The following CMKLR2 variants were observed in gnomAD, a reference collection of about 807,000 sequenced individuals.
CMKLR2 encodes the protein chemerin chemokine-like receptor 2.
Under a neutral mutation model 23.0 loss-of-function variants are expected in CMKLR2, and 18 were observed. That is an observed-to-expected ratio of 0.78 (90% CI 0.54 to 1.16). The LOEUF is 1.16. CMKLR2 is among the 50% of genes most tolerant of loss of function. The pLI is 0.00. For missense variants in CMKLR2, 401 were observed against 412.7 expected (o/e 0.97, Z 0.25); for synonymous variants, 158 against 158.9 (o/e 0.99, Z 0.05).
At chr2:206,199,390 A>G (rs1689019368) in intron 1 of CMKLR2, among the ~76,000 whole-genome samples, 1 of 152,072 alleles carries the variant, frequency 6.6e-6, no homozygotes, top group Admixed American at 6.6e-5. Flanking sequence ...ACAGAGTGAG[A>G]CTGTCTCATT....
At chr2:206,191,166 T>G (rs936682175) in intron 1 of CMKLR2, among the ~76,000 whole-genome samples, 3 of 152,230 alleles carry the variant, frequency 2.0e-5, no homozygotes, top group African/African-American at 7.2e-5. Context: ...TGTGGGATCA[T>G]GGACAAATTA....
intron 1 of CMKLR2, among the ~76,000 whole-genome samples, chr2:206,209,966 CTT>C (rs1174073666): frequency 5.3e-5 from 7 of 133,274 alleles, no homozygotes; most frequent in Admixed American, 7.7e-5. Flanking sequence ...TCTTTTCTTT[CTT>C]TTTTTTTTTT....
intron 1 of CMKLR2, among the ~76,000 whole-genome samples, chr2:206,212,044 G>A (rs1689587777): frequency 6.6e-6 from 1 of 152,022 alleles, no homozygotes. Flanking sequence ...GAGGGAACAG[G>A]AGAAGTTTTT....
At chr2:206,194,238 G>A (rs1219564925) in intron 1 of CMKLR2, among the ~76,000 whole-genome samples, 11 of 152,154 alleles carry the variant, frequency 7.2e-5, no homozygotes, top group Admixed American at 3.9e-4. Flanking sequence ...AGGAGGGGGA[G>A]GAGGACAATT....
intron 1 of CMKLR2, among the ~76,000 whole-genome samples, chr2:206,194,950 G>A (rs1688874753): frequency 6.6e-6 from 1 of 150,380 alleles, no homozygotes; most frequent in South Asian, 2.1e-4. Context: ...TAGACACGGA[G>A]TTTCACTGTG....
chr2:206,209,501 T>C (rs963338601), intron 1 of CMKLR2, among the ~76,000 whole-genome samples: 4 of 152,070 alleles, frequency 2.6e-5, no homozygotes, highest in Admixed American at 2.6e-4. Flanking sequence ...AAGCCCAGCA[T>C]CCGTTAGCTA....
chr2:206,209,553 C>G (rs145315745), intron 1 of CMKLR2, among the ~76,000 whole-genome samples: 1 of 152,136 alleles, frequency 6.6e-6, no homozygotes, highest in African/African-American at 2.4e-5. Context: ...CCCACATGCC[C>G]CCAGTGTGTT....
chr2:206,176,734 C>T lies in CMKLR2; in HGVS notation c.514G>A (p.Ala172Thr). 6.2e-7 allele frequency: 1 copy of T among 1,614,142 alleles called. No homozygotes were observed. The highest frequency in any genetic ancestry group is 8.5e-7 in the Non-Finnish European group (1 of 1,180,020). Residue 172 changes from alanine (A) to threonine (T), a missense_variant, in exon 2 of 2, where the codon GCC (alanine) becomes ACC (threonine). Ala to Thr is a moderately conservative substitution (Grantham distance 58). Coordinates refer to ENST00000621141, the MANE Select transcript of CMKLR2 (RefSeq NM_001389445.1). ...WLLASLIGGPALYFRDTVEFN... is the reference protein window; with the variant it reads ...WLLASLIGGPTLYFRDTVEFN... ...TCCACAGTGTCCCGGAAGTACAGGG[C>T]AGGACCGCCAATTAGAGAAGCCAAA...
rs958538275 is a variant in CMKLR2 at position 206,185,281 on chromosome 2, C to T, written c.-28-8006G>A. The stretch of plus-strand genomic sequence containing the variant: ...GATTACAGGCTTAAGCCACTGCACC[C>T]AGCCTGGTTTTAGCTTTCAATAAGG... On this transcript the variant is annotated intron_variant, in intron 1 of 1. Transcript: ENST00000621141. 2.4e-4 allele frequency among the ~76,000 whole-genome samples: 36 copies of T among 152,324 alleles called. 1 individual carries two copies. Among genetic ancestry groups the T allele is most frequent in the African/African-American group, 8.4e-4 (35 of 41,580 alleles).
chr2:206,200,410 T>G (rs1689057816), intron 1 of CMKLR2, among the ~76,000 whole-genome samples: 1 of 151,584 alleles, frequency 6.6e-6, no homozygotes, highest in Non-Finnish European at 1.5e-5. Flanking sequence ...GCAACAAGAG[T>G]AAATCTCCGT....
intron 1 of CMKLR2, among the ~76,000 whole-genome samples, chr2:206,208,670 C>T (rs1381973698): frequency 6.6e-6 from 1 of 150,606 alleles, no homozygotes; most frequent in Non-Finnish European, 1.5e-5. Context: ...GGCAGGGTCT[C>T]ACTCTGTCAT....
At chr2:206,190,144 C>T (rs911720476) in intron 1 of CMKLR2, among the ~76,000 whole-genome samples, 32 of 152,206 alleles carry the variant, frequency 2.1e-4, no homozygotes, top group African/African-American at 7.2e-4. Flanking sequence ...TGCAGCTTGC[C>T]TAGCTGTAGT....
Position 206,177,118 on chromosome 2 carries a change from A to G in CMKLR2, c.130T>C (p.Leu44=). The change falls in exon 2 of 2, where the codon TTA becomes CTA. Residue 44 remains leucine (L), a synonymous_variant. Transcript: ENST00000621141. ...CCCAGAACAAAAGCCAAACAATATA[A>G]CACCAGGGAGACCCAGTGAACAACT... The part of the protein sequence containing the change: ...LGVVHWVSLV[L]YCLAFVLGIP... The G allele has an allele frequency of 6.2e-7, 1 of 1,614,118 alleles. No individual in the cohort carries two copies. The highest frequency in any genetic ancestry group is 8.5e-7 in the Non-Finnish European group (1 of 1,179,992).
intron 1 of CMKLR2, among the ~76,000 whole-genome samples, chr2:206,179,604 C>T (rs1203865108): frequency 6.6e-6 from 1 of 152,020 alleles, no homozygotes; most frequent in Non-Finnish European, 1.5e-5. Context: ...GCTGGGATTA[C>T]AGGAATAAGC....
rs1478704197 is a variant in CMKLR2, at chr2:206,176,294, T to C, written c.954A>G (p.Ser318=). The C allele has an allele frequency of 5.0e-6, 8 of 1,614,154 alleles. No individual in the cohort carries two copies. The highest frequency in any genetic ancestry group is 6.8e-6 in the Non-Finnish European group (8 of 1,180,026). The change falls in exon 2 of 2, where the codon TCA becomes TCG. Residue 318 remains serine (S), a synonymous_variant. Coordinates refer to ENST00000621141, the MANE Select transcript of CMKLR2 (RefSeq NM_001389445.1). ...GTGTGTACTTGAGTATCTCAGCAACTGAGGACCGGAAGCGAGCTTGGAACT... is the reference window on the plus strand; with the variant it reads ...GTGTGTACTTGAGTATCTCAGCAACCGAGGACCGGAAGCGAGCTTGGAACT... The part of the protein sequence containing the change: ...SKKFQARFRS[S]VAEILKYTLW...
At chr2:206,200,363 C>T (rs112643316) in intron 1 of CMKLR2, among the ~76,000 whole-genome samples, 10,312 of 152,118 alleles carry the variant, frequency 0.068, 392 homozygotes, top group East Asian at 0.15. Flanking sequence ...GCGGAGGATG[C>T]GGTGAGCCGA....
intron 1 of CMKLR2, among the ~76,000 whole-genome samples, chr2:206,198,468 G>A (rs1688987355): frequency 6.6e-6 from 1 of 152,150 alleles, no homozygotes. Flanking sequence ...TAACTGAGAA[G>A]CTCAAAGATG....
chr2:206,203,532 G>C (rs542026646), intron 1 of CMKLR2: 1 of 152,258 alleles, frequency 6.6e-6, no homozygotes, highest in Non-Finnish European at 1.5e-5. Flanking sequence ...AGAGCTTCCG[G>C]TCTGGTGAAC....
intron 1 of CMKLR2, among the ~76,000 whole-genome samples, chr2:206,200,448 G>A (rs1689058903): frequency 6.6e-6 from 1 of 152,130 alleles, no homozygotes; most frequent in Admixed American, 6.5e-5. Flanking sequence ...AAGAATGGTG[G>A]GTCATACAAA....
Sources: gnomAD v4.1 joint callset for allele counts (sites outside exome capture counted in the v4.1 genomes callset) on GRCh38, gnomAD v4.1.1 for gene constraint, MANE v1.5 for transcripts, NCBI Gene and HGNC (gene_info 2026-07-23, HGNC 2026-07-21) for gene names.